Variants in SEMA6D observed in about 807,000 individuals in gnomAD.
SEMA6D encodes the protein semaphorin-6D.
In SEMA6D, 35 loss-of-function variants were observed where a neutral mutation model predicts 106.6. The observed-to-expected ratio is 0.33, with a 90% CI of 0.25 to 0.44. SEMA6D has a LOEUF of 0.44. Among genes scored for constraint, SEMA6D ranks in the 20% least tolerant of loss-of-function variants. The pLI is 1.00. For missense variants in SEMA6D, 1,185 were observed against 1,345.9 expected (o/e 0.88, Z 1.87); for synonymous variants, 499 against 487.7 (o/e 1.02, Z -0.31).
At chr15:47,578,426 G>A (rs1201658402) in intron 3 of SEMA6D, among the ~76,000 whole-genome samples, 1 of 152,272 alleles carries the variant, frequency 6.6e-6, no homozygotes, top group South Asian at 2.1e-4. Context: ...TCACATGGAC[G>A]TACAAGAGCA....
chr15:47,424,392 G>T (rs1317680934), intron 2 of SEMA6D, among the ~76,000 whole-genome samples: 1 of 151,956 alleles, frequency 6.6e-6, no homozygotes. Context: ...AATTAATTGT[G>T]CTTTCAATTG....
intron 1 of SEMA6D, among the ~76,000 whole-genome samples, chr15:47,335,091 T>G (rs2037497495): frequency 6.6e-6 from 1 of 152,112 alleles, no homozygotes; most frequent in Non-Finnish European, 1.5e-5. Flanking sequence ...CAAAGACCTT[T>G]TTTTTGGTCA....
At chr15:47,205,267 T>TA (rs2141129355) in intron 1 of SEMA6D, among the ~76,000 whole-genome samples, 1 of 152,284 alleles carries the variant, frequency 6.6e-6, no homozygotes, top group Admixed American at 6.5e-5. Context: ...TTTTTGCTCT[T>TA]ATGAATTTTG....
chr15:47,326,065 A>G (rs945031882), intron 1 of SEMA6D, among the ~76,000 whole-genome samples: 8 of 151,978 alleles, frequency 5.3e-5, no homozygotes, highest in African/African-American at 1.9e-4. Context: ...GCTGCTGTCC[A>G]CTCTTCCCAG....
chr15:47,770,837 A>G lies in SEMA6D; in HGVS notation c.2274A>G (p.Val758=). Residue 758 remains valine, a synonymous_variant, in exon 19 of 19, where the codon GTA becomes GTG. Coordinates refer to ENST00000536845, the MANE Select transcript of SEMA6D (RefSeq NM_001358351.3). ...CCAATGGAGATACTAAATCCATGGT[A>G]ATGGACCATCGAGGGCAACCTCCAG... ...LPPNGDTKSM[V]MDHRGQPPEL... The G allele has an allele frequency of 1.2e-6, 2 of 1,613,952 alleles. No homozygotes were observed. The highest frequency in any genetic ancestry group is 8.5e-7 in the Non-Finnish European group (1 of 1,179,914).
At chr15:47,232,356 T>C (rs1196114239) in intron 1 of SEMA6D, among the ~76,000 whole-genome samples, 1 of 151,994 alleles carries the variant, frequency 6.6e-6, no homozygotes, top group African/African-American at 2.4e-5. Flanking sequence ...GGTTTTTATA[T>C]ACCTGGGAGT....
intron 3 of SEMA6D, among the ~76,000 whole-genome samples, chr15:47,529,757 T>A (rs2044891816): frequency 6.6e-6 from 1 of 152,172 alleles, no homozygotes; most frequent in South Asian, 2.1e-4. Flanking sequence ...GTAAACCTTG[T>A]GGAGATGTTA....
chr15:47,765,294 A>C (rs767546940), intron 13 of SEMA6D: 3 of 1,291,630 alleles, frequency 2.3e-6, no homozygotes, highest in Admixed American at 3.6e-5. Flanking sequence ...TCACCTGTAG[A>C]ATATGAGAAC....
At chr15:47,733,995 G>T (rs2146796252) in intron 1 of SEMA6D, among the ~76,000 whole-genome samples, 1 of 152,286 alleles carries the variant, frequency 6.6e-6, no homozygotes, top group African/African-American at 2.4e-5. Context: ...GAGCACAGAA[G>T]CAGCACCACA....
chr15:47,385,058 T>C (rs956915526), intron 1 of SEMA6D, among the ~76,000 whole-genome samples: 6 of 145,450 alleles, frequency 4.1e-5, no homozygotes, highest in African/African-American at 1.6e-4. Context: ...TTTTTTTTTT[T>C]TTTTTTTACC....
chr15:47,407,183 G>A lies in SEMA6D; in HGVS notation c.-238-5210G>A. 1.3e-5 allele frequency among the ~76,000 whole-genome samples: 2 copies of A among 151,878 alleles called. 1 individual carries two copies. The highest frequency in any genetic ancestry group is 6.3e-3 in the Middle Eastern group (2 of 316). On this transcript the variant is annotated intron_variant, in intron 1 of 19. Coordinates refer to the SEMA6D transcript ENST00000558014. ...GTTTGAGACCAGCCTGGCCAATGGT[G>A]AAACCATGTCTCTACTGAAAATACA...
At chr15:47,419,951 AGGT>A (rs1453862913) in intron 2 of SEMA6D, among the ~76,000 whole-genome samples, 3 of 152,118 alleles carry the variant, frequency 2.0e-5, no homozygotes, top group Admixed American at 6.5e-5. Context: ...GGTCCAGGGC[AGGT>A]GGTGGTGGTG....
chr15:47,492,935 T>A (rs1033011151), intron 3 of SEMA6D, among the ~76,000 whole-genome samples: 4 of 152,152 alleles, frequency 2.6e-5, no homozygotes, highest in African/African-American at 9.7e-5. Flanking sequence ...TATTAAATTC[T>A]TCCATATCCG....
intron 1 of SEMA6D, among the ~76,000 whole-genome samples, chr15:47,327,296 G>C (rs1846391635): frequency 6.6e-6 from 1 of 152,192 alleles, no homozygotes; most frequent in African/African-American, 2.4e-5. Context: ...AAACCAGTCA[G>C]TGGCTTAGTG....
chr15:47,491,577 A>G (rs1019752312), intron 3 of SEMA6D, among the ~76,000 whole-genome samples: 1 of 152,200 alleles, frequency 6.6e-6, no homozygotes, highest in Non-Finnish European at 1.5e-5. Context: ...AGGAATGGCA[A>G]GGTGCTCATT....
chr15:47,240,870 T>C (rs1566945646), intron 1 of SEMA6D, among the ~76,000 whole-genome samples: 1 of 152,290 alleles, frequency 6.6e-6, no homozygotes, highest in East Asian at 1.9e-4. Context: ...TAAATCCTAC[T>C]GATGACTGTT....
intron 1 of SEMA6D, chr15:47,730,509 T>C: frequency 7.8e-7 from 1 of 1,280,108 alleles, no homozygotes; most frequent in Non-Finnish European, 1.1e-6. Context: ...TCCACCAAGG[T>C]GGTGACGGTG....
intron 1 of SEMA6D, among the ~76,000 whole-genome samples, chr15:47,293,642 T>G (rs961444845): frequency 2.0e-5 from 3 of 152,194 alleles, no homozygotes; most frequent in African/African-American, 7.2e-5. Flanking sequence ...ACCTTGATGT[T>G]TTATTCATGA....
chr15:47,552,139 G>T (rs946383001), intron 3 of SEMA6D, among the ~76,000 whole-genome samples: 1 of 152,092 alleles, frequency 6.6e-6, no homozygotes, highest in Non-Finnish European at 1.5e-5. Flanking sequence ...AGAATAGTGC[G>T]ATGAACTATG....
Sources: allele counts gnomAD v4.1 joint callset (sites outside exome capture counted in the v4.1 genomes callset), GRCh38; gene constraint gnomAD v4.1.1; transcripts MANE v1.5; gene names NCBI Gene and HGNC (gene_info 2026-07-23, HGNC 2026-07-21).